ASZ1: variants seen among roughly 807,000 people sequenced by gnomAD.
ASZ1 encodes ankyrin repeat, SAM and basic leucine zipper domain containing 1.
A neutral mutation model predicts 61.8 loss-of-function variants in ASZ1; 67 were observed. The ratio of observed to expected loss-of-function variants is 1.08; its 90% CI spans 0.89 to 1.33. ASZ1 has a LOEUF of 1.33. Among genes scored for constraint, ASZ1 ranks in the 40% most tolerant of loss-of-function variants. ASZ1 has a pLI of 0.00. For synonymous variants in ASZ1, 193 were observed against 192.7 expected, an observed-to-expected ratio of 1.00 and a Z score of -0.01; for missense variants, 577 against 554.5, an observed-to-expected ratio of 1.04 and a Z score of -0.41.
intron 2 of ASZ1, among the ~76,000 whole-genome samples, chr7:117,425,096 T>C (rs1797171385): frequency 6.6e-6 from 1 of 152,182 alleles, no homozygotes; most frequent in Non-Finnish European, 1.5e-5. Flanking sequence ...TATTTACTTT[T>C]CAGTAAACTA....
chr7:117,396,993 A>C (rs1210939126), intron 4 of ASZ1, among the ~76,000 whole-genome samples: 1 of 151,882 alleles, frequency 6.6e-6, no homozygotes, highest in Non-Finnish European at 1.5e-5. Context: ...CCAAACTAGA[A>C]ATAGCATCTA....
chr7:117,370,779 A>T (rs1371285480), intron 10 of ASZ1, among the ~76,000 whole-genome samples: 1 of 150,848 alleles, frequency 6.6e-6, no homozygotes, highest in Non-Finnish European at 1.5e-5. Flanking sequence ...TACAATAAAA[A>T]TTACTATTAT....
intron 1 of ASZ1, 138 bp downstream of exon 1, chr7:117,427,218 G>A: frequency 9.3e-7 from 1 of 1,077,384 alleles, no homozygotes; most frequent in South Asian, 1.5e-5. Flanking sequence ...GTTTGCTTAA[G>A]TACAAACTCC....
chr7:117,410,148 A>G (rs1796862829), intron 4 of ASZ1, among the ~76,000 whole-genome samples: 1 of 151,774 alleles, frequency 6.6e-6, no homozygotes, highest in African/African-American at 2.4e-5. Context: ...GTGATTCTTT[A>G]ATGGCATCAG....
At chr7:117,425,391 G>A (rs902710361) in intron 2 of ASZ1, among the ~76,000 whole-genome samples, 12 of 141,258 alleles carry the variant, frequency 8.5e-5, no homozygotes, top group African/African-American at 2.1e-4. Context: ...TCAGCCTCCC[G>A]CGTAGCTGGG....
At chr7:117,391,743 C>CT (rs1295093513) in intron 4 of ASZ1, among the ~76,000 whole-genome samples, 1 of 151,976 alleles carries the variant, frequency 6.6e-6, no homozygotes, top group Non-Finnish European at 1.5e-5. Flanking sequence ...AAGCTTTGTT[C>CT]TTTTTGCTTA....
At chr7:117,379,154 TATATATATATATATAC>T (rs1325027347) in intron 10 of ASZ1, among the ~76,000 whole-genome samples, 6 of 103,420 alleles carry the variant, frequency 5.8e-5, no homozygotes, top group Non-Finnish European at 9.2e-5. Flanking sequence ...TATATATATA[TATATATATATATATAC>T]ACACACACAC....
intron 4 of ASZ1, among the ~76,000 whole-genome samples, chr7:117,397,571 G>A (rs1458248346): frequency 6.6e-6 from 1 of 152,160 alleles, no homozygotes; most frequent in Non-Finnish European, 1.5e-5. Flanking sequence ...TTCAGAAGAC[G>A]ATTTGGTAAC....
At position 117,385,521 on chromosome 7, in the gene ASZ1, A is replaced by G. The variant is rs552708272; in HGVS notation, c.552+177T>C. Among the ~76,000 whole-genome samples the G allele has an allele frequency of 4.5e-4, 68 of 152,266 alleles. 1 individual carries two copies. Among genetic ancestry groups the G allele is most frequent in the Admixed American group, 1.1e-3 (17 of 15,288 alleles). ...AATGATCCGCCTGCCTCGGCCTCCC[A>G]AAGTGCAGGGATTACAGGTGTGAGT... On this transcript the variant is annotated intron_variant, in intron 5 of 12. Coordinates refer to ENST00000284629, the MANE Select transcript of ASZ1 (RefSeq NM_130768.3).
intron 11 of ASZ1, chr7:117,367,857 A>C (rs902526789): frequency 1.0e-6 from 1 of 986,376 alleles, no homozygotes; most frequent in Admixed American, 6.1e-5. Flanking sequence ...ACATGAAATA[A>C]GCTGCTTTTG....
chr7:117,393,649 G>T (rs1796519442), intron 4 of ASZ1, among the ~76,000 whole-genome samples: 1 of 151,964 alleles, frequency 6.6e-6, no homozygotes, highest in African/African-American at 2.4e-5. Context: ...ACTAGATTTT[G>T]CTTTTAGCCA....
At chr7:117,398,784 T>C (rs1796621744) in intron 4 of ASZ1, among the ~76,000 whole-genome samples, 2 of 152,342 alleles carry the variant, frequency 1.3e-5, no homozygotes, top group South Asian at 2.1e-4. Context: ...TAATATCTCA[T>C]GAGCTGGTTA....
chr7:117,364,472 CTT>C (rs1414039720), intron 12 of ASZ1, among the ~76,000 whole-genome samples: 24 of 151,178 alleles, frequency 1.6e-4, no homozygotes, highest in South Asian at 1.5e-3. Flanking sequence ...AGAGAAAAGA[CTT>C]AAAGAGGGAG....
intron 2 of ASZ1, among the ~76,000 whole-genome samples, chr7:117,423,315 ACTGT>A (rs1206657227): frequency 6.6e-6 from 1 of 152,102 alleles, no homozygotes; most frequent in Non-Finnish European, 1.5e-5. Context: ...CTAATTTCTA[ACTGT>A]CTAATTTTAA....
chr7:117,388,896 CA>C (rs1267264679), intron 4 of ASZ1, among the ~76,000 whole-genome samples: 1 of 151,840 alleles, frequency 6.6e-6, no homozygotes, highest in South Asian at 2.1e-4. Flanking sequence ...ATGGACTCCA[CA>C]AAAAAAGTAC....
intron 10 of ASZ1, among the ~76,000 whole-genome samples, chr7:117,376,396 C>T (rs1375372590): frequency 1.3e-5 from 2 of 152,132 alleles, no homozygotes; most frequent in African/African-American, 2.4e-5. Flanking sequence ...GTCAATTCTA[C>T]ACAATCTCTT....
intron 1 of ASZ1, 126 bp downstream of exon 1, chr7:117,427,230 G>GT (rs1017743525): frequency 1.7e-5 from 19 of 1,147,948 alleles, no homozygotes; most frequent in Non-Finnish European, 2.4e-5. Context: ...ACAAACTCCC[G>GT]TATTTCCACT....
intron 4 of ASZ1, among the ~76,000 whole-genome samples, chr7:117,417,034 T>A (rs1232631172): frequency 6.6e-6 from 1 of 152,156 alleles, no homozygotes; most frequent in Non-Finnish European, 1.5e-5. Context: ...AAAACTAAGA[T>A]CCTGTCTTAT....
At chr7:117,374,130 A>C (rs1484516882) in intron 10 of ASZ1, among the ~76,000 whole-genome samples, 1 of 152,122 alleles carries the variant, frequency 6.6e-6, no homozygotes, top group African/African-American at 2.4e-5. Flanking sequence ...TATGGGGAAT[A>C]TTTATAATTT....
Sources: allele counts gnomAD v4.1 joint callset (sites outside exome capture counted in the v4.1 genomes callset), GRCh38; gene constraint gnomAD v4.1.1; transcripts MANE v1.5; gene names NCBI Gene and HGNC (gene_info 2026-07-23, HGNC 2026-07-21).